Variants in RFX3 observed in about 807,000 individuals in gnomAD.
The protein encoded by RFX3 is regulatory factor X3.
Under a neutral mutation model 98.6 loss-of-function variants are expected in RFX3, and 14 were observed. That is an observed-to-expected ratio of 0.14 (90% CI 0.09 to 0.22). RFX3 has a LOEUF of 0.22. RFX3 is among the 10% of genes least tolerant of loss of function. The pLI, the probability that RFX3 is intolerant of heterozygous loss-of-function variation, is 1.00. For synonymous variants in RFX3, 383 were observed against 328.4 expected, an observed-to-expected ratio of 1.17 and a Z score of -1.80; for missense variants, 639 against 926.9, an observed-to-expected ratio of 0.69 and a Z score of 4.03.
At chr9:3,313,199 C>T (rs1056284404) in intron 4 of RFX3, among the ~76,000 whole-genome samples, 2 of 152,152 alleles carry the variant, frequency 1.3e-5, no homozygotes, top group Admixed American at 1.3e-4. Flanking sequence ...CAACATCTGC[C>T]GTTCTGCAAT....
At chr9:3,416,203 T>C (rs1842967459) in intron 1 of RFX3, among the ~76,000 whole-genome samples, 1 of 152,196 alleles carries the variant, frequency 6.6e-6, no homozygotes, top group Non-Finnish European at 1.5e-5. Flanking sequence ...CCAGTTAATT[T>C]TGACAATCAA....
At chr9:3,502,878 T>C (rs1816191288) in intron 1 of RFX3, among the ~76,000 whole-genome samples, 1 of 152,152 alleles carries the variant, frequency 6.6e-6, no homozygotes. Context: ...TGGAACCAGA[T>C]TAACCATAAG....
chr9:3,418,480 A>G (rs1843166477), intron 1 of RFX3, among the ~76,000 whole-genome samples: 1 of 152,104 alleles, frequency 6.6e-6, no homozygotes, highest in Non-Finnish European at 1.5e-5. Context: ...CCTGGGTTCA[A>G]GCAATTCTCC....
chr9:3,408,949 C>A (rs1156821968), intron 1 of RFX3, among the ~76,000 whole-genome samples: 1 of 152,188 alleles, frequency 6.6e-6, no homozygotes, highest in Non-Finnish European at 1.5e-5. Flanking sequence ...CCCATTCAGT[C>A]AAAACTTGTT....
chr9:3,350,286 C>G (rs953172855), intron 2 of RFX3, among the ~76,000 whole-genome samples: 1 of 152,046 alleles, frequency 6.6e-6, no homozygotes, highest in African/African-American at 2.4e-5. Context: ...AATAAACAAG[C>G]TGATTTTAAA....
rs191003659 is a variant in RFX3, at chr9:3,452,301, C to T, written c.-8-56705G>A. ...GCTCAAATGTCATTTTTTAAAAAAA[C>T]AACTAATGGCCAGGCACATTGGCTC... On this transcript the variant is annotated intron_variant, in intron 1 of 16. Transcript: ENST00000617270. 1,693 of 217,990 alleles carry T rather than the reference C, an allele frequency of 7.8e-3. 11 individuals carry two copies. The highest frequency in any genetic ancestry group is 0.013 in the Admixed American group (252 of 19,838). 13.5% of individuals were successfully genotyped at this position (217,990 alleles called of 1,614,324 possible).
At chr9:3,520,975 G>C (rs1029019155) in intron 1 of RFX3, among the ~76,000 whole-genome samples, 1 of 152,090 alleles carries the variant, frequency 6.6e-6, no homozygotes, top group African/African-American at 2.4e-5. Context: ...AATACAACCA[G>C]CCAGAATTAT....
chr9:3,341,587 C>T (rs549467072), intron 3 of RFX3, among the ~76,000 whole-genome samples: 23 of 152,168 alleles, frequency 1.5e-4, no homozygotes, highest in African/African-American at 3.1e-4. Context: ...ACCAAGTAGT[C>T]GGCTCCTGTT....
intron 15 of RFX3, among the ~76,000 whole-genome samples, chr9:3,242,232 A>G (rs1281400173): frequency 2.0e-5 from 3 of 152,184 alleles, no homozygotes; most frequent in African/African-American, 4.8e-5. Context: ...CAAGGTTTCA[A>G]TCAGTATCAA....
intron 15 of RFX3, chr9:3,247,384 G>T: frequency 1.1e-6 from 1 of 938,960 alleles, no homozygotes; most frequent in South Asian, 4.8e-5. Context: ...GACTGTGTTT[G>T]AAAAAAAAAT....
At chr9:3,305,028 G>C (rs547964006) in intron 4 of RFX3, among the ~76,000 whole-genome samples, 1 of 152,076 alleles carries the variant, frequency 6.6e-6, no homozygotes, top group South Asian at 2.1e-4. Flanking sequence ...TATTTTCTTA[G>C]TTTACAGACT....
At chr9:3,304,728 A>G (rs1052505074) in intron 4 of RFX3, among the ~76,000 whole-genome samples, 2 of 151,998 alleles carry the variant, frequency 1.3e-5, no homozygotes, top group Admixed American at 6.6e-5. Flanking sequence ...GCCTTCTGCC[A>G]TGATTGTGAG....
chr9:3,325,949 G>C lies in RFX3; in HGVS notation c.474+4310C>G, dbSNP rs1399324721. On this transcript the variant is annotated intron_variant, in intron 4 of 16. Transcript: ENST00000617270. ...TAATGAGTTCAGAATTATGACTGTA[G>C]CCAATTCTTCTACCTTAATGTCCAT... Among the ~76,000 whole-genome samples the C allele has an allele frequency of 2.6e-5, 4 of 152,190 alleles. No homozygotes were observed. The East Asian group carries it at 7.7e-4, about 29-fold the overall frequency.
chr9:3,276,829 G>T (rs1214382861), intron 8 of RFX3, among the ~76,000 whole-genome samples: 1 of 151,916 alleles, frequency 6.6e-6, no homozygotes, highest in Non-Finnish European at 1.5e-5. Context: ...TGAAAAATAT[G>T]CAAGTTTTTC....
At position 3,301,574 on chromosome 9, in the gene RFX3, G is replaced by C. The variant is rs1828665208; in HGVS notation, c.521C>G (p.Thr174Ser). ...ETLQKSDGLS[T>S]HRSSLLNSHL... Reference sequence around the variant, plus strand: ...GCTGTTGAGAAGAGAGCTTCTGTGAGTGGACAGACCGTCAGACTTTTGCAG... The same window carrying C: ...GCTGTTGAGAAGAGAGCTTCTGTGACTGGACAGACCGTCAGACTTTTGCAG... The change falls in exon 5 of 17, where the codon ACT (threonine) becomes AGT (serine). Residue 174 changes from threonine (T) to serine (S), a missense_variant. Thr to Ser is a moderately conservative substitution (Grantham distance 58). This residue lies in a region of RFX3 where 16 missense variants were observed against 30.0 expected (regional missense o/e 0.53). Coordinates refer to ENST00000617270, the MANE Select transcript of RFX3 (RefSeq NM_001282116.2). 1.2e-6 allele frequency: 2 copies of C among 1,601,754 alleles called. No homozygotes were observed. Among genetic ancestry groups the C allele is most frequent in the African/African-American group, 1.3e-5 (1 of 74,640 alleles).
chr9:3,435,802 TAAA>T (rs34925429), intron 1 of RFX3, among the ~76,000 whole-genome samples: 3 of 97,630 alleles, frequency 3.1e-5, no homozygotes, highest in Non-Finnish European at 2.1e-5. Flanking sequence ...ATCTGCATTG[TAAA>T]AAAAAAAAAA....
intron 2 of RFX3, among the ~76,000 whole-genome samples, chr9:3,350,776 C>T (rs1198635490): frequency 6.6e-6 from 1 of 151,910 alleles, no homozygotes; most frequent in Non-Finnish European, 1.5e-5. Context: ...AAGAAATGAA[C>T]TACCAAGCCA....
intron 3 of RFX3, among the ~76,000 whole-genome samples, chr9:3,340,468 C>T (rs562452225): frequency 2.5e-4 from 38 of 152,226 alleles, no homozygotes; most frequent in Admixed American, 1.0e-3. Flanking sequence ...GAACAGACAA[C>T]CTACAGAATG....
intron 1 of RFX3, among the ~76,000 whole-genome samples, chr9:3,508,558 G>C (rs554184831): frequency 1.3e-5 from 2 of 151,862 alleles, no homozygotes; most frequent in African/African-American, 4.8e-5. Context: ...GGAACTTCTA[G>C]GCAAAAAATG....
Sources: gnomAD v4.1 joint callset for allele counts (sites outside exome capture counted in the v4.1 genomes callset) on GRCh38, gnomAD v4.1.1 for gene constraint, gnomAD v4.1.1 regional missense constraint, MANE v1.5 for transcripts, NCBI Gene and HGNC (gene_info 2026-07-23, HGNC 2026-07-21) for gene names.